CA10: variants seen among roughly 807,000 people sequenced by gnomAD.
CA10 encodes the protein carbonic anhydrase-related protein 10.
CA10 carries 14 observed loss-of-function variants against 44.2 expected under a neutral mutation model. That is an observed-to-expected ratio of 0.32 (90% CI 0.21 to 0.50). The LOEUF (loss-of-function observed/expected upper bound fraction) is 0.50. Ranked by LOEUF, CA10 falls within the 20% of genes least tolerant of loss-of-function variation. The pLI is 0.99. For synonymous variants in CA10, 159 were observed against 141.6 expected (o/e 1.12, Z -0.87); for missense variants, 350 against 409.7 (o/e 0.85, Z 1.26).
intron 3 of CA10, among the ~76,000 whole-genome samples, chr17:51,897,491 G>T (rs1981122733): frequency 6.6e-6 from 1 of 152,144 alleles, no homozygotes; most frequent in African/African-American, 2.4e-5. Context: ...TTTGAAGTCA[G>T]GTAATGTAAT....
chr17:51,681,249 G>A (rs902468548), intron 4 of CA10, among the ~76,000 whole-genome samples: 21 of 152,194 alleles, frequency 1.4e-4, no homozygotes, highest in Middle Eastern at 6.3e-3. Context: ...GAGATAATCC[G>A]TGGGGCAGGC....
At chr17:51,886,746 G>C (rs936758639) in intron 3 of CA10, among the ~76,000 whole-genome samples, 1 of 152,206 alleles carries the variant, frequency 6.6e-6, no homozygotes, top group African/African-American at 2.4e-5. Flanking sequence ...GAATGGGCCA[G>C]AATTATCCAA....
chr17:51,636,020 A>G lies in CA10; in HGVS notation c.635-11T>C. On this transcript the variant is annotated splice_polypyrimidine_tract_variant and intron_variant, in intron 6 of 8. Coordinates refer to ENST00000451037, the MANE Select transcript of CA10 (RefSeq NM_020178.5). ...GTAAATATGCATCATCTAGAGAAGG[A>G]AAGAAGACTTAAAAATTAGGTTTCT... 6.5e-7 allele frequency: 1 copy of G among 1,541,454 alleles called. No homozygotes were observed.
At chr17:52,139,431 T>C (rs1046127439) in intron 1 of CA10, among the ~76,000 whole-genome samples, 4 of 150,758 alleles carry the variant, frequency 2.7e-5, no homozygotes, top group African/African-American at 4.9e-5. Flanking sequence ...TCTTACTTTA[T>C]CCATCTGTAA....
At chr17:51,800,982 T>C (rs1194299383) in intron 3 of CA10, among the ~76,000 whole-genome samples, 1 of 152,166 alleles carries the variant, frequency 6.6e-6, no homozygotes, top group African/African-American at 2.4e-5. Context: ...AGCTCTATCC[T>C]AGGAGTGCCT....
At chr17:51,887,935 G>T (rs1268536989) in intron 3 of CA10, among the ~76,000 whole-genome samples, 1 of 152,010 alleles carries the variant, frequency 6.6e-6, no homozygotes, top group East Asian at 1.9e-4. Flanking sequence ...CTGAGGCAAA[G>T]AATTGCTTGA....
At chr17:51,826,541 C>A (rs367857150) in intron 3 of CA10, among the ~76,000 whole-genome samples, 3 of 152,172 alleles carry the variant, frequency 2.0e-5, no homozygotes, top group Non-Finnish European at 4.4e-5. Context: ...TGGATTTAAT[C>A]ATGCTTAATT....
chr17:51,774,086 G>A (rs1905714380), intron 3 of CA10, among the ~76,000 whole-genome samples: 1 of 152,118 alleles, frequency 6.6e-6, no homozygotes. Flanking sequence ...TTTGGTATAG[G>A]GCTGGGGATA....
rs191392449 is a variant in CA10 at position 51,969,042 on chromosome 17, C to T, written c.137-37910G>A. ...AAAGCATGGATTTTTTTCTCTCCAC[C>T]GAGCTTTGATAAGAAAGAAAACAAA... is the stretch of plus-strand genomic sequence containing the variant. On this transcript the variant is annotated intron_variant, in intron 2 of 8. Coordinates refer to ENST00000451037, the MANE Select transcript of CA10 (RefSeq NM_020178.5). Among the ~76,000 whole-genome samples, 204 of 151,936 alleles carry T rather than the reference C, an allele frequency of 1.3e-3. 1 individual carries two copies. The Middle Eastern group carries it at 0.041, about 30-fold the overall frequency.
intron 4 of CA10, among the ~76,000 whole-genome samples, chr17:51,681,742 G>A (rs28559963): frequency 0.072 from 11,025 of 152,226 alleles, 1,361 homozygotes; most frequent in African/African-American, 0.25. Context: ...GCTATATTGT[G>A]TAGTAGTAAA....
At chr17:51,761,348 T>C (rs1276055383) in intron 3 of CA10, 2 of 152,204 alleles carry the variant, frequency 1.3e-5, no homozygotes, top group African/African-American at 2.4e-5. Flanking sequence ...TTAGAATCTA[T>C]TGATGTTGAA....
At chr17:51,984,583 GA>G (rs961270181) in intron 2 of CA10, among the ~76,000 whole-genome samples, 26 of 151,894 alleles carry the variant, frequency 1.7e-4, no homozygotes, top group African/African-American at 6.0e-4. Context: ...CTGGTTCTTT[GA>G]AAAAATAAAT....
At chr17:51,912,706 A>T (rs1055401133) in intron 3 of CA10, among the ~76,000 whole-genome samples, 1 of 152,222 alleles carries the variant, frequency 6.6e-6, no homozygotes, top group Non-Finnish European at 1.5e-5. Context: ...TTCATCCATT[A>T]TAAGAGGCTG....
chr17:51,741,826 A>C (rs1904473073), intron 4 of CA10, among the ~76,000 whole-genome samples: 1 of 152,210 alleles, frequency 6.6e-6, no homozygotes, highest in Non-Finnish European at 1.5e-5. Flanking sequence ...GATCAATATA[A>C]AATTCCCATC....
At chr17:51,900,204 C>G (rs1380320453) in intron 3 of CA10, among the ~76,000 whole-genome samples, 1 of 152,086 alleles carries the variant, frequency 6.6e-6, no homozygotes, top group Non-Finnish European at 1.5e-5. Context: ...CCTTAAGGAC[C>G]TCTTATAAGG....
At chr17:52,026,246 A>C (rs1036827632) in intron 2 of CA10, among the ~76,000 whole-genome samples, 7 of 152,158 alleles carry the variant, frequency 4.6e-5, no homozygotes, top group Non-Finnish European at 7.4e-5. Flanking sequence ...TCTTCATCAA[A>C]GTGAGTTGTG....
chr17:51,696,486 G>A (rs1473703579), intron 4 of CA10, among the ~76,000 whole-genome samples: 3 of 151,960 alleles, frequency 2.0e-5, no homozygotes, highest in Non-Finnish European at 4.4e-5. Context: ...CTTTTCCTTT[G>A]GTAATCTAGC....
intron 3 of CA10, among the ~76,000 whole-genome samples, chr17:51,894,359 G>A (rs1261649082): frequency 6.6e-6 from 1 of 152,008 alleles, no homozygotes; most frequent in African/African-American, 2.4e-5. Flanking sequence ...ATCTGTGAGA[G>A]GTTTCCAGAG....
chr17:52,120,635 C>T, intron 1 of CA10, among the ~76,000 whole-genome samples: 1 of 152,148 alleles, frequency 6.6e-6, no homozygotes, highest in Non-Finnish European at 1.5e-5. Context: ...TGTCTTTGTG[C>T]AGCTGGGGGA....
Sources: gnomAD v4.1 joint callset for allele counts (sites outside exome capture counted in the v4.1 genomes callset) on GRCh38, gnomAD v4.1.1 for gene constraint, MANE v1.5 for transcripts, NCBI Gene and HGNC (gene_info 2026-07-23, HGNC 2026-07-21) for gene names.